The following INTS3 variants were observed in gnomAD, a reference collection of about 807,000 sequenced individuals.
INTS3 encodes integrator complex subunit 3.
Under a neutral mutation model 146.3 loss-of-function variants are expected in INTS3, and 34 were observed. The observed-to-expected ratio is 0.23, with a 90% CI of 0.18 to 0.31. The LOEUF is 0.31. INTS3 is among the 10% of genes least tolerant of loss of function. The pLI is 1.00. For synonymous variants in INTS3, 475 were observed against 494.9 expected (o/e 0.96, Z 0.53); for missense variants, 757 against 1,304.2 (o/e 0.58, Z 6.46).
intron 1 of INTS3, among the ~76,000 whole-genome samples, chr1:153,735,523 C>G (rs1044174939): frequency 2.0e-5 from 3 of 152,152 alleles, no homozygotes; most frequent in African/African-American, 7.2e-5. Flanking sequence ...TCCATTGATT[C>G]AGCAGAGATT....
intron 1 of INTS3, among the ~76,000 whole-genome samples, chr1:153,729,957 A>G (rs1252006751): frequency 6.6e-6 from 1 of 151,884 alleles, no homozygotes; most frequent in East Asian, 1.9e-4. Flanking sequence ...GTGGTTATCC[A>G]GGGACAGGAT....
Position 153,728,337 on chromosome 1 carries a change from G to A in INTS3, c.-298G>A, listed in dbSNP as rs1670933769. 2.5e-6 allele frequency: 1 copy of A among 403,302 alleles called. No individual in the cohort carries two copies. Among genetic ancestry groups the A allele is most frequent in the Non-Finnish European group, 4.4e-6 (1 of 228,728 alleles). The allele number at this position is 403,302 out of a possible 1,614,324, so 25.0% of individuals were successfully genotyped here. A position where few individuals can be genotyped will look rare whatever the true frequency, so the allele number is the denominator to read the frequency against. On this transcript the variant is annotated 5_prime_UTR_variant, in exon 1 of 30. Transcript: ENST00000318967. ...TCTTAGGGTCCACTTCTTCAGGGGCGGAAGCCTCTCCTACCCTTCCCATAG... is the reference window on the plus strand; with the variant it reads ...TCTTAGGGTCCACTTCTTCAGGGGCAGAAGCCTCTCCTACCCTTCCCATAG...
At chr1:153,740,607 G>C in intron 1 of INTS3, 44 bp from the exon 2 acceptor site, 1 of 1,417,208 alleles carries the variant, frequency 7.1e-7, no homozygotes, top group Non-Finnish European at 1.0e-6. Context: ...TACTTCCTAA[G>C]TGGTGTTATG....
chr1:153,740,852 G>T, intron 2 of INTS3, 118 bp downstream of exon 2: 1 of 807,720 alleles, frequency 1.2e-6, no homozygotes. Context: ...TCAAGTCTTG[G>T]CTCCCTGAAT....
rs1444185514 is a variant in INTS3, at chr1:153,774,007, TG to T, written c.*738del. The T allele has an allele frequency of 6.0e-6, 1 of 165,554 alleles. No homozygotes were observed. The highest frequency in any genetic ancestry group is 1.9e-4 in the East Asian group (1 of 5,188). The allele number at this position is 165,554 out of a possible 1,614,324, so 10.3% of individuals were successfully genotyped here. Reference sequence around the variant, plus strand: ...GTCTGTTTTTTTTTTTGTTTTTTTTTGTTTTTTTTTTGGCAGAGATAATCGT... The same window carrying T: ...GTCTGTTTTTTTTTTTGTTTTTTTTTTTTTTTTTTTGGCAGAGATAATCGT... On this transcript the variant is annotated 3_prime_UTR_variant, in exon 30 of 30. Transcript: ENST00000318967.
rs763006233 is a variant in INTS3 at position 153,772,889 on chromosome 1, G to T, written c.2895-36G>T. 1.4e-5 allele frequency: 22 copies of T among 1,612,552 alleles called. No homozygotes were observed. In the South Asian group the frequency reaches 2.3e-4, roughly 17 times the overall value. On this transcript the variant is annotated intron_variant, in intron 28 of 29. Transcript: ENST00000318967. The surrounding 1 kb of genome is among the most constrained non-coding windows in gnomAD (Gnocchi z 4.6). The stretch of plus-strand genomic sequence containing the variant: ...ATGGGAGGTGCCGTAGGAGCAGCAG[G>T]CTCCCACTCAAAGAGCTACCGCTCC...
intron 10 of INTS3, among the ~76,000 whole-genome samples, chr1:153,758,333 A>G (rs1672238438): frequency 6.6e-6 from 1 of 152,134 alleles, no homozygotes; most frequent in Non-Finnish European, 1.5e-5. Flanking sequence ...TTCAGATATG[A>G]CAACAGGCTA....
chr1:153,747,590 A>G, intron 5 of INTS3: 1 of 583,458 alleles, frequency 1.7e-6, no homozygotes. Flanking sequence ...CTTTCCTGCT[A>G]AACCCAGGGC....
At chr1:153,752,733 C>G (rs1277696850) in intron 8 of INTS3, among the ~76,000 whole-genome samples, 1 of 152,158 alleles carries the variant, frequency 6.6e-6, no homozygotes, top group East Asian at 1.9e-4. Flanking sequence ...CAGTGTTCAG[C>G]TTCACGGAGT....
At chr1:153,747,157 C>A in intron 4 of INTS3, 87 bp downstream of exon 4, 1 of 1,252,812 alleles carries the variant, frequency 8.0e-7, no homozygotes, top group Non-Finnish European at 1.2e-6. Context: ...GGAATCAGGG[C>A]TAACACACCC....
rs368547219 is a variant in INTS3 at position 153,772,875 on chromosome 1, C to T, written c.2895-50C>T. 1.1e-5 allele frequency: 18 copies of T among 1,607,256 alleles called. No homozygotes were observed. Among genetic ancestry groups the T allele is most frequent in the East Asian group, 8.9e-5 (4 of 44,838 alleles). ...GGGCAGAGAAGAGGATGGGAGGTGC[C>T]GTAGGAGCAGCAGGCTCCCACTCAA... On this transcript the variant is annotated intron_variant, in intron 28 of 29. Coordinates refer to ENST00000318967, the MANE Select transcript of INTS3 (RefSeq NM_023015.5). The surrounding 1 kb of genome is among the most constrained non-coding windows in gnomAD (Gnocchi z 4.6).
chr1:153,761,927 C>G (rs768611781), intron 14 of INTS3, among the ~76,000 whole-genome samples: 6 of 152,350 alleles, frequency 3.9e-5, no homozygotes, highest in East Asian at 1.9e-4. Context: ...CCTAGTAACT[C>G]CTGCTCAGTA....
At chr1:153,745,649 C>G (rs1222537086) in intron 3 of INTS3, among the ~76,000 whole-genome samples, 1 of 129,548 alleles carries the variant, frequency 7.7e-6, no homozygotes, top group Non-Finnish European at 1.6e-5. Context: ...ACAATAGAGA[C>G]AGAGTGAAAA....
chr1:153,750,965 C>A, intron 6 of INTS3, 130 bp from the exon 7 acceptor site: 1 of 902,158 alleles, frequency 1.1e-6, no homozygotes, highest in South Asian at 1.8e-5. Context: ...AGCAAAAAAT[C>A]AAAGCATCTA....
intron 20 of INTS3, 39 bp from the exon 21 acceptor site, chr1:153,767,634 TG>T: frequency 6.6e-7 from 1 of 1,524,454 alleles, no homozygotes; most frequent in South Asian, 1.2e-5. Flanking sequence ...AGGTGGGCAC[TG>T]GGGTCAGGCT....
At chr1:153,736,761 CTT>C (rs5777880) in intron 1 of INTS3, among the ~76,000 whole-genome samples, 2 of 94,052 alleles carry the variant, frequency 2.1e-5, no homozygotes. Flanking sequence ...GTCTTTCATT[CTT>C]TTTTTTTTTT....
At chr1:153,741,255 A>G in intron 2 of INTS3, 30 bp from the exon 3 acceptor site, 1 of 1,542,594 alleles carries the variant, frequency 6.5e-7, no homozygotes, top group South Asian at 1.1e-5. Context: ...GTGAGTGACA[A>G]CTAGTTTGTT....
At chr1:153,738,285 G>A (rs1671378374) in intron 1 of INTS3, among the ~76,000 whole-genome samples, 1 of 151,864 alleles carries the variant, frequency 6.6e-6, no homozygotes, top group South Asian at 2.1e-4. Context: ...TATTTATAGA[G>A]ATGGGGGTCT....
At chr1:153,763,725 GT>G in intron 16 of INTS3, 106 bp from the exon 17 acceptor site, 2 of 979,644 alleles carry the variant, frequency 2.0e-6, no homozygotes, top group Non-Finnish European at 3.2e-6. Context: ...GAGCTCCTTT[GT>G]TTTGTCTCTG....
Sources: allele counts gnomAD v4.1 joint callset (sites outside exome capture counted in the v4.1 genomes callset), GRCh38; gene constraint gnomAD v4.1.1; non-coding constraint Gnocchi (gnomAD v3.1); transcripts MANE v1.5; gene names NCBI Gene and HGNC (gene_info 2026-07-23, HGNC 2026-07-21).